Variants in SCAF11 observed in about 807,000 individuals in gnomAD.
SCAF11 encodes protein SCAF11.
A neutral mutation model predicts 140.5 loss-of-function variants in SCAF11; 47 were observed. That is an observed-to-expected ratio of 0.33 (90% CI 0.26 to 0.43). The LOEUF (loss-of-function observed/expected upper bound fraction) is 0.43. Among genes scored for constraint, SCAF11 ranks in the 20% least tolerant of loss-of-function variants. The pLI is 1.00. For synonymous variants in SCAF11, 557 were observed against 579.4 expected (o/e 0.96, Z 0.55); for missense variants, 1,645 against 1,705.1 (o/e 0.96, Z 0.62).
chr12:45,939,434 G>A (rs983173374), intron 6 of SCAF11, among the ~76,000 whole-genome samples: 1 of 152,124 alleles, frequency 6.6e-6, no homozygotes. Context: ...AGTGGTTCAC[G>A]CCTGTAATCC....
chr12:45,976,340 C>T (rs1426918106), intron 1 of SCAF11, among the ~76,000 whole-genome samples: 2 of 152,082 alleles, frequency 1.3e-5, no homozygotes, highest in Non-Finnish European at 2.9e-5. Context: ...TTTCAGAGAG[C>T]CCACATTCAC....
chr12:45,956,859 C>T (rs1049433217), intron 3 of SCAF11, among the ~76,000 whole-genome samples: 12 of 152,148 alleles, frequency 7.9e-5, no homozygotes, highest in Admixed American at 7.2e-4. Context: ...AAACAGAGTA[C>T]TTAAATTCTT....
intron 1 of SCAF11, among the ~76,000 whole-genome samples, chr12:45,982,857 G>A (rs984827919): frequency 6.6e-6 from 1 of 152,182 alleles, no homozygotes; most frequent in Admixed American, 6.5e-5. Flanking sequence ...TCAGGGTACT[G>A]AGCCTGGTAT....
chr12:45,927,903 G>T lies in SCAF11; in HGVS notation c.1798C>A (p.Leu600Ile), dbSNP rs1427414315. 6.2e-7 allele frequency: 1 copy of T among 1,612,284 alleles called. No individual in the cohort carries two copies. The highest frequency in any genetic ancestry group is 8.5e-7 in the Non-Finnish European group (1 of 1,179,582). ...CTCTCTATAAGCTCCTCTGTTTTTA[G>T]TGTAAAATCTTTATGTTCAGTAATT... The part of the protein sequence containing the change: ...VEITEHKDFT[L>I]KTEELIESPK... Residue 600 changes from leucine (L) to isoleucine (I), a missense_variant, in exon 11 of 15, where the codon CTA (leucine) becomes ATA (isoleucine). Transcript: ENST00000369367.
chr12:45,952,581 A>G (rs1945577725), intron 3 of SCAF11, among the ~76,000 whole-genome samples: 1 of 152,320 alleles, frequency 6.6e-6, no homozygotes, highest in Non-Finnish European at 1.5e-5. Flanking sequence ...TACTATGATT[A>G]TAAGTCAACA....
chr12:45,971,892 C>G (rs1438107481), intron 1 of SCAF11, among the ~76,000 whole-genome samples: 1 of 152,102 alleles, frequency 6.6e-6, no homozygotes, highest in Non-Finnish European at 1.5e-5. Context: ...CTTCCTGTTA[C>G]TTGGATCCAG....
chr12:45,946,790 C>T (rs934312117), intron 5 of SCAF11, among the ~76,000 whole-genome samples: 1 of 152,092 alleles, frequency 6.6e-6, no homozygotes, highest in Admixed American at 6.5e-5. Flanking sequence ...ATGCAAGAAC[C>T]AAAGCTGATA....
chr12:45,925,817 A>T (rs1944844152), intron 11 of SCAF11, among the ~76,000 whole-genome samples: 1 of 152,202 alleles, frequency 6.6e-6, no homozygotes, highest in African/African-American at 2.4e-5. Context: ...TTATCAAAAA[A>T]ATTAAAAGTG....
At position 45,928,351 on chromosome 12, in the gene SCAF11, G is replaced by C; in HGVS notation, c.1350C>G (p.Cys450Trp). Residue 450 changes from cysteine (C) to tryptophan (W), a missense_variant, in exon 11 of 15, where the codon TGC becomes TGG. Cys to Trp is a radical substitution (Grantham distance 215). Around this residue, in one of 2 missense-constraint regions of SCAF11, gnomAD observed 1,582 missense variants for 1,609.2 expected, o/e 0.98. Transcript: ENST00000369367. ...ENQSANCLKS[C>W]NEQIEESEKH... ...TCTCACTTTCTTCTATTTGCTCATT[G>C]CAACTTTTCAAGCAATTAGCAGACT... 1 of 1,614,034 alleles carries C rather than the reference G, an allele frequency of 6.2e-7. No individual in the cohort carries two copies. The highest frequency in any genetic ancestry group is 1.1e-5 in the South Asian group (1 of 91,072).
intron 10 of SCAF11, chr12:45,929,570 A>T (rs952656557): frequency 6.6e-6 from 1 of 152,286 alleles, no homozygotes; most frequent in South Asian, 2.1e-4. Context: ...ACTTCTAAAG[A>T]TCTATGGTTT....
chr12:45,957,997 A>T (rs1453677499), intron 3 of SCAF11, among the ~76,000 whole-genome samples: 6 of 151,844 alleles, frequency 4.0e-5, no homozygotes, highest in Non-Finnish European at 5.9e-5. Flanking sequence ...GGCTCAAGTG[A>T]TCCTCCAACC....
At chr12:45,943,252 C>T (rs1335760589) in intron 6 of SCAF11, among the ~76,000 whole-genome samples, 2 of 152,122 alleles carry the variant, frequency 1.3e-5, no homozygotes, top group Non-Finnish European at 2.9e-5. Context: ...TCTCTTTCTG[C>T]AGTTTCAGTT....
Position 45,927,947 on chromosome 12 carries a change from G to A in SCAF11, c.1754C>T (p.Thr585Ile), listed in dbSNP as rs1461406686. The change falls in exon 11 of 15, where the codon ACA (threonine) becomes ATA (isoleucine). Residue 585 changes from threonine (T) to isoleucine (I), a missense_variant. This residue lies in a region of SCAF11 where 1,582 missense variants were observed against 1,609.2 expected (regional missense o/e 0.98). Coordinates refer to ENST00000369367, the MANE Select transcript of SCAF11 (RefSeq NM_004719.3). ...VESVVNEEKI[T>I]ESSLVEITEH... Reference sequence around the variant, plus strand: ...AGTAATTTCTACTAGGGAACTCTCTGTTATTTTTTCTTCATTAACCACTGA... The same window carrying A: ...AGTAATTTCTACTAGGGAACTCTCTATTATTTTTTCTTCATTAACCACTGA... The A allele has an allele frequency of 2.5e-6, 4 of 1,613,204 alleles. No individual in the cohort carries two copies. Among genetic ancestry groups the A allele is most frequent in the Non-Finnish European group, 3.4e-6 (4 of 1,179,924 alleles).
chr12:45,963,443 T>C (rs1231340808), intron 2 of SCAF11, among the ~76,000 whole-genome samples: 2 of 151,580 alleles, frequency 1.3e-5, no homozygotes, highest in Non-Finnish European at 2.9e-5. Flanking sequence ...AGTAATATCT[T>C]CAAAGTGCTA....
chr12:45,990,942 C>T (rs1946592943), upstream of SCAF11, among the ~76,000 whole-genome samples: 1 of 152,246 alleles, frequency 6.6e-6, no homozygotes, highest in African/African-American at 2.4e-5. Flanking sequence ...TGGCCTCTGC[C>T]CTCCTTTGGC....
At chr12:45,968,802 C>A (rs188272934) in intron 1 of SCAF11, among the ~76,000 whole-genome samples, 219 of 152,080 alleles carry the variant, frequency 1.4e-3, no homozygotes, top group Admixed American at 8.8e-3. Context: ...ATTAGCCGGG[C>A]GTGGTGTAAT....
rs750619487 is a variant in SCAF11, at chr12:45,928,706, G to A, written c.995C>T (p.Ala332Val). ...TATTGGGGATCTCTGAGACTGACTG[G>A]CTGTTTCAGCTCTTGTGTTACGTGT... is the stretch of plus-strand genomic sequence containing the variant. The part of the protein sequence containing the change: ...RSTRNTRAET[A>V]SQSQRSPISD... The change falls in exon 11 of 15, where the codon GCC (alanine) becomes GTC (valine). Residue 332 changes from alanine (A) to valine (V), a missense_variant. Coordinates refer to ENST00000369367, the MANE Select transcript of SCAF11 (RefSeq NM_004719.3). 2 of 1,613,948 alleles carry A rather than the reference G, an allele frequency of 1.2e-6. No individual in the cohort carries two copies. The highest frequency in any genetic ancestry group is 2.2e-5 in the East Asian group (1 of 44,880).
In SCAF11 at chr12:45,928,124, T is replaced by C. The variant is rs1210606484; in HGVS notation, c.1577A>G (p.Gln526Arg). 6.2e-7 allele frequency: 1 copy of C among 1,613,904 alleles called. No homozygotes were observed. The highest frequency in any genetic ancestry group is 8.5e-7 in the Non-Finnish European group (1 of 1,180,004). Reference protein sequence around the residue: ...LEKGGDPLEKQDQISGLSQSE... With the variant: ...LEKGGDPLEKRDQISGLSQSE... Reference sequence around the variant, plus strand: ...TTGTGAAAGTCCAGATATCTGGTCTTGCTTTTCCAATGGATCACCTCCTTT... The same window carrying C: ...TTGTGAAAGTCCAGATATCTGGTCTCGCTTTTCCAATGGATCACCTCCTTT... The change falls in exon 11 of 15, where the codon CAA (glutamine) becomes CGA (arginine). Residue 526 changes from glutamine to arginine, a missense_variant. Physicochemically the swap from Gln to Arg is conservative, Grantham distance 43 (BLOSUM62 1). Around this residue, in one of 2 missense-constraint regions of SCAF11, gnomAD observed 1,582 missense variants for 1,609.2 expected, o/e 0.98. Coordinates refer to ENST00000369367, the MANE Select transcript of SCAF11 (RefSeq NM_004719.3).
At chr12:45,961,961 A>G in intron 2 of SCAF11, 104 bp from the exon 3 acceptor site, 1 of 702,676 alleles carries the variant, frequency 1.4e-6, no homozygotes, top group African/African-American at 1.8e-5. Flanking sequence ...CCCTCCTACT[A>G]TAAAGCAAAT....
Sources: gnomAD v4.1 joint callset for allele counts (sites outside exome capture counted in the v4.1 genomes callset) on GRCh38, gnomAD v4.1.1 for gene constraint, gnomAD v4.1.1 regional missense constraint, MANE v1.5 for transcripts, NCBI Gene and HGNC (gene_info 2026-07-23, HGNC 2026-07-21) for gene names.